Variants in PLA1A observed in about 807,000 individuals in gnomAD.
PLA1A encodes phospholipase A1 member A.
PLA1A carries 47 observed loss-of-function variants against 49.4 expected under a neutral mutation model. That is an observed-to-expected ratio of 0.95 (90% CI 0.75 to 1.21). The LOEUF (loss-of-function observed/expected upper bound fraction) is 1.21. PLA1A is among the 50% of genes most tolerant of loss of function. The pLI is 0.00. For synonymous variants in PLA1A, 224 were observed against 207.9 expected (o/e 1.08, Z -0.67); for missense variants, 561 against 563.9 (o/e 0.99, Z 0.05).
Position 119,618,197 on chromosome 3 carries a change from A to AC in PLA1A, c.922+15dup. 1.9e-6 allele frequency: 3 copies of AC among 1,602,896 alleles called. No individual in the cohort carries two copies. The South Asian group carries it at 3.4e-5, about 18-fold the overall frequency. On this transcript the variant is annotated intron_variant, in intron 7 of 10. Coordinates refer to ENST00000273371, the MANE Select transcript of PLA1A (RefSeq NM_015900.4). ...CCTGCCCAAGGATAGGTAAAGTGCT[A>AC]CCCCTTTGACTTCCTTTGACAATGT... is the stretch of plus-strand genomic sequence containing the variant.
chr3:119,627,521 G>A (rs981919283), intron 9 of PLA1A, among the ~76,000 whole-genome samples: 6 of 152,158 alleles, frequency 3.9e-5, no homozygotes, highest in Non-Finnish European at 2.9e-5. Flanking sequence ...AAAAACAAGT[G>A]ATATGACTAA....
At chr3:119,607,582 C>A (rs2082706202) in intron 2 of PLA1A, among the ~76,000 whole-genome samples, 1 of 152,194 alleles carries the variant, frequency 6.6e-6, no homozygotes, top group South Asian at 2.1e-4. Flanking sequence ...AGAGTTGGGG[C>A]ACCCAATGAA....
At chr3:119,609,330 C>A in intron 3 of PLA1A, 138 bp from the exon 4 acceptor site, 1 of 755,968 alleles carries the variant, frequency 1.3e-6, no homozygotes, top group South Asian at 1.4e-5. Flanking sequence ...AGAGTGCTGT[C>A]CTTTTTCCCT....
At position 119,628,722 on chromosome 3, in the gene PLA1A, G is replaced by T; in HGVS notation, c.1143G>T (p.Gly381=). 1 of 1,614,142 alleles carries T rather than the reference G, an allele frequency of 6.2e-7. No homozygotes were observed. Among genetic ancestry groups the T allele is most frequent in the Non-Finnish European group, 8.5e-7 (1 of 1,179,964 alleles). The part of the protein sequence containing the change: ...KITIPKQQRY[G]KGIIAHATPQ... Reference sequence around the variant, plus strand: ...GCAGACCTAAGCAGCAACGCTATGGGAAAGGAATCATAGCCCATGCCACCC... The same window carrying T: ...GCAGACCTAAGCAGCAACGCTATGGTAAAGGAATCATAGCCCATGCCACCC... The change falls in exon 10 of 11, where the codon GGG becomes GGT. Residue 381 remains glycine (G), a synonymous_variant. Coordinates refer to ENST00000273371, the MANE Select transcript of PLA1A (RefSeq NM_015900.4).
chr3:119,601,547 G>A (rs1004409845), intron 1 of PLA1A, among the ~76,000 whole-genome samples: 6 of 152,244 alleles, frequency 3.9e-5, no homozygotes, highest in African/African-American at 1.2e-4. Flanking sequence ...AGCCTGGCCA[G>A]ATACTCATGT....
chr3:119,627,746 G>A (rs1300100330), intron 9 of PLA1A, among the ~76,000 whole-genome samples: 2 of 152,254 alleles, frequency 1.3e-5, no homozygotes, highest in South Asian at 2.1e-4. Context: ...TCCCTAGCTG[G>A]GTGGTGCAGC....
At chr3:119,615,972 C>A in intron 5 of PLA1A, 40 bp from the exon 6 acceptor site, 3 of 1,365,274 alleles carry the variant, frequency 2.2e-6, no homozygotes, top group Non-Finnish European at 3.1e-6. Context: ...GAGCCGACCC[C>A]CTGAAGTAAG....
chr3:119,624,933 G>C (rs904688735), intron 8 of PLA1A, among the ~76,000 whole-genome samples, 191 bp from the exon 9 acceptor site: 1 of 152,208 alleles, frequency 6.6e-6, no homozygotes, highest in South Asian at 2.1e-4. Context: ...GCCCAGCCAA[G>C]TGTCTATTTT....
At chr3:119,603,601 C>G (rs1293752964) in intron 1 of PLA1A, among the ~76,000 whole-genome samples, 1 of 152,172 alleles carries the variant, frequency 6.6e-6, no homozygotes, top group Non-Finnish European at 1.5e-5. Flanking sequence ...TCTCCCCTCC[C>G]CCACCAACAT....
Position 119,608,196 on chromosome 3 carries a change from G to A in PLA1A, c.276-574G>A, listed in dbSNP as rs551198156. Among the ~76,000 whole-genome samples, 9 of 104,080 alleles carry A rather than the reference G, an allele frequency of 8.6e-5. No individual in the cohort carries two copies. The East Asian group carries it at 2.3e-3, about 27-fold the overall frequency. 68.3% of individuals were successfully genotyped at this position (104,080 alleles called of 152,430 possible). On this transcript the variant is annotated intron_variant, in intron 2 of 10. Coordinates refer to ENST00000273371, the MANE Select transcript of PLA1A (RefSeq NM_015900.4). ...GGAAAAAGAAAGAGAAAGGAAGAAA[G>A]GAAAGAAAAGAAAGAAAGAAAGAAA...
chr3:119,623,542 C>T (rs1259339879), intron 8 of PLA1A, among the ~76,000 whole-genome samples: 1 of 152,086 alleles, frequency 6.6e-6, no homozygotes, highest in Non-Finnish European at 1.5e-5. Context: ...TGGCGACACT[C>T]ACTTTGAGAG....
intron 1 of PLA1A, among the ~76,000 whole-genome samples, chr3:119,605,602 G>A (rs1288841987): frequency 2.0e-5 from 3 of 152,242 alleles, no homozygotes; most frequent in Non-Finnish European, 2.9e-5. Flanking sequence ...TTGTCTGGTG[G>A]CAGCAATGCT....
At chr3:119,629,047 T>C (rs2052587530) in intron 10 of PLA1A, among the ~76,000 whole-genome samples, 182 bp downstream of exon 10, 1 of 152,220 alleles carries the variant, frequency 6.6e-6, no homozygotes, top group Non-Finnish European at 1.5e-5. Flanking sequence ...TTGGGGAAAT[T>C]CCACTGTATT....
intron 7 of PLA1A, among the ~76,000 whole-genome samples, chr3:119,618,812 C>G (rs1212324771): frequency 6.6e-6 from 1 of 152,112 alleles, no homozygotes; most frequent in Non-Finnish European, 1.5e-5. Context: ...TGGTTTCTCT[C>G]CCTCCCGCAC....
rs2052601105 is a variant in PLA1A at position 119,629,760 on chromosome 3, C to T, written c.*292C>T. ...ATTCGTACTTAGGATTCAATAGAAA[C>T]ATGTACAGGGTAAACAATTTTTTAA... On this transcript the variant is annotated 3_prime_UTR_variant, in exon 11 of 11. Coordinates refer to ENST00000273371, the MANE Select transcript of PLA1A (RefSeq NM_015900.4). 2.7e-6 allele frequency: 1 copy of T among 375,196 alleles called. No individual in the cohort carries two copies. The highest frequency in any genetic ancestry group is 4.1e-5 in the Admixed American group (1 of 24,346). The allele number at this position is 375,196 out of a possible 1,614,324, so 23.2% of individuals were successfully genotyped here. A position where few individuals can be genotyped will look rare whatever the true frequency, so the allele number is the denominator to read the frequency against.
intron 3 of PLA1A, 78 bp downstream of exon 3, chr3:119,609,025 G>A (rs1258362603): frequency 8.2e-7 from 1 of 1,214,640 alleles, no homozygotes; most frequent in Admixed American, 2.0e-5. Context: ...CACTGCCTGA[G>A]GAGGCTTAGG....
At chr3:119,617,273 G>A (rs889208350) in intron 6 of PLA1A, among the ~76,000 whole-genome samples, 4 of 152,142 alleles carry the variant, frequency 2.6e-5, no homozygotes, top group Admixed American at 1.3e-4. Context: ...CACAAACGGC[G>A]GCTGATGCAG....
intron 8 of PLA1A, among the ~76,000 whole-genome samples, chr3:119,622,153 GAAGAA>G (rs2082946259): frequency 3.4e-4 from 11 of 31,984 alleles, no homozygotes; most frequent in South Asian, 1.9e-3. Flanking sequence ...GGAGGAGGAA[GAAGAA>G]GAAGAAGAAG....
At chr3:119,598,030 T>C in intron 1 of PLA1A, 44 bp downstream of exon 1, 1 of 1,261,584 alleles carries the variant, frequency 7.9e-7, no homozygotes, top group Admixed American at 1.9e-5. Flanking sequence ...TTTCAGTCAG[T>C]GATCATATTT....
Sources: gnomAD v4.1 joint callset for allele counts (sites outside exome capture counted in the v4.1 genomes callset) on GRCh38, gnomAD v4.1.1 for gene constraint, MANE v1.5 for transcripts, NCBI Gene and HGNC (gene_info 2026-07-23, HGNC 2026-07-21) for gene names.